The following DNAJC7 variants were observed in gnomAD, a reference collection of about 807,000 sequenced individuals.
DNAJC7 encodes the protein DnaJ heat shock protein family (Hsp40) member C7.
Under a neutral mutation model 67.4 loss-of-function variants are expected in DNAJC7, and 18 were observed. That is an observed-to-expected ratio of 0.27 (90% CI 0.18 to 0.40). The LOEUF (loss-of-function observed/expected upper bound fraction) is 0.40, where lower values mean the gene tolerates loss of function less well. Among genes scored for constraint, DNAJC7 ranks in the 10% least tolerant of loss-of-function variants. The pLI, the probability that DNAJC7 is intolerant of heterozygous loss-of-function variation, is 1.00. For synonymous variants in DNAJC7, 220 were observed against 207.8 expected (o/e 1.06, Z -0.50); for missense variants, 419 against 613.8 (o/e 0.68, Z 3.35).
intron 4 of DNAJC7, among the ~76,000 whole-genome samples, chr17:41,996,088 A>AACACTTCAAT (rs1477259136): frequency 2.0e-5 from 3 of 152,228 alleles, no homozygotes; most frequent in Non-Finnish European, 4.4e-5. Context: ...CTATCTCAGA[A>AACACTTCAAT]ACACTTCAAT....
At chr17:41,988,064 C>G (rs1415387128) in intron 8 of DNAJC7, among the ~76,000 whole-genome samples, 154 bp from the exon 9 acceptor site, 1 of 152,294 alleles carries the variant, frequency 6.6e-6, no homozygotes, top group East Asian at 1.9e-4. Context: ...GGGCTATGGA[C>G]AGCAACTTCA....
At position 41,987,916 on chromosome 17, in the gene DNAJC7, GGAGA is replaced by G; in HGVS notation, c.919-10_919-7del. 6.2e-7 allele frequency: 1 copy of G among 1,606,668 alleles called. No homozygotes were observed. Among genetic ancestry groups the G allele is most frequent in the Non-Finnish European group, 8.5e-7 (1 of 1,176,338 alleles). On this transcript the variant is annotated splice_polypyrimidine_tract_variant and splice_region_variant and intron_variant, in intron 8 of 13. Transcript: ENST00000457167. Reference sequence around the variant, plus strand: ...GCATCATCTAGTTTCCTAAGCTTCAGGAGAGAGAGAGCAATCATACTTCACACCT... The same window carrying G: ...GCATCATCTAGTTTCCTAAGCTTCAGGAGAGAGCAATCATACTTCACACCT...
intron 6 of DNAJC7, 86 bp downstream of exon 6, chr17:41,990,178 G>A: frequency 7.5e-7 from 1 of 1,331,450 alleles, no homozygotes; most frequent in Non-Finnish European, 1.1e-6. Flanking sequence ...GCCTACTCTG[G>A]GGACCATATC....
At chr17:41,994,215 A>G (rs1226218078) in intron 5 of DNAJC7, among the ~76,000 whole-genome samples, 1 of 151,722 alleles carries the variant, frequency 6.6e-6, no homozygotes, top group Non-Finnish European at 1.5e-5. Context: ...GCATGCCTAT[A>G]ATCCCAGCTA....
chr17:42,016,905 A>G (rs1044363090), intron 1 of DNAJC7: 1 of 1,072,696 alleles, frequency 9.3e-7, no homozygotes, highest in Non-Finnish European at 1.1e-6. Flanking sequence ...TTACAAGGGA[A>G]AACGGGGTGA....
intron 1 of DNAJC7, among the ~76,000 whole-genome samples, chr17:42,002,195 T>G (rs782557753): frequency 6.6e-5 from 10 of 152,332 alleles, no homozygotes; most frequent in Admixed American, 2.6e-4. Flanking sequence ...AAACTGGATT[T>G]CGATTAGTCA....
In DNAJC7 at chr17:41,996,306, C is replaced by T. The variant is rs782095173; in HGVS notation, c.405+5G>A. ...CTTTTGACAGAAACAGGATCAGACC[C>T]GTACCTCTTGTTGTGCCTGAGCATT... On this transcript the variant is annotated splice_donor_5th_base_variant and intron_variant, in intron 4 of 13. Coordinates refer to ENST00000457167, the MANE Select transcript of DNAJC7 (RefSeq NM_003315.4). The T allele has an allele frequency of 5.0e-6, 8 of 1,613,200 alleles. No individual in the cohort carries two copies. Among genetic ancestry groups the T allele is most frequent in the Non-Finnish European group, 5.9e-6 (7 of 1,179,670 alleles).
At chr17:41,988,656 A>G in intron 8 of DNAJC7, 76 bp downstream of exon 8, 1 of 1,470,140 alleles carries the variant, frequency 6.8e-7, no homozygotes, top group Non-Finnish European at 9.0e-7. Context: ...TACCCTCACT[A>G]GGCAGATTTC....
At chr17:41,984,130 A>G (rs1038869152) in intron 9 of DNAJC7, among the ~76,000 whole-genome samples, 1 of 152,210 alleles carries the variant, frequency 6.6e-6, no homozygotes, top group East Asian at 1.9e-4. Context: ...TCAACGTGGC[A>G]GCTGCTGGCA....
At chr17:41,985,448 G>A (rs1166590606) in intron 9 of DNAJC7, 2 of 150,426 alleles carry the variant, frequency 1.3e-5, no homozygotes, top group African/African-American at 4.9e-5. Context: ...AAAATTGATA[G>A]CTGATAGCCC....
chr17:42,001,941 T>G (rs978845556), intron 1 of DNAJC7, among the ~76,000 whole-genome samples: 1 of 152,174 alleles, frequency 6.6e-6, no homozygotes, highest in Non-Finnish European at 1.5e-5. Flanking sequence ...TGAAATGTGA[T>G]GGATATAAAT....
chr17:42,011,593 TCTC>T (rs2052119513), intron 1 of DNAJC7: 1 of 152,168 alleles, frequency 6.6e-6, no homozygotes, highest in African/African-American at 2.4e-5. Flanking sequence ...TTAACTTATT[TCTC>T]CTCCCATCTC....
chr17:42,016,435 T>C (rs1379471642), intron 1 of DNAJC7: 1 of 152,224 alleles, frequency 6.6e-6, no homozygotes, highest in Non-Finnish European at 1.5e-5. Flanking sequence ...CCGCAGCTGA[T>C]AAGGAAAGGG....
chr17:42,002,124 T>C (rs558632832), intron 1 of DNAJC7, among the ~76,000 whole-genome samples: 1 of 152,268 alleles, frequency 6.6e-6, no homozygotes, highest in Admixed American at 6.5e-5. Flanking sequence ...TTATAAAAAC[T>C]CTCAGGAGCC....
At chr17:41,993,607 G>A (rs116949261) in intron 5 of DNAJC7, among the ~76,000 whole-genome samples, 239 of 152,364 alleles carry the variant, frequency 1.6e-3, no homozygotes, top group Non-Finnish European at 2.2e-3. Context: ...AATCTCTCCT[G>A]ATCAGTGGTT....
At position 41,976,582 on chromosome 17, in the gene DNAJC7, C is replaced by T; in HGVS notation, c.*151G>A. The T allele has an allele frequency of 1.0e-6, 1 of 986,442 alleles. No homozygotes were observed. The highest frequency in any genetic ancestry group is 1.7e-5 in the South Asian group (1 of 59,970). The allele number at this position is 986,442 out of a possible 1,614,324, so 61.1% of individuals were successfully genotyped here. ...TCGGCATTGGTTCCCTTTGCTCCAC[C>T]CCACTCACAGAGACACAGGGCATCC... On this transcript the variant is annotated 3_prime_UTR_variant, in exon 14 of 14. Transcript: ENST00000457167.
intron 1 of DNAJC7, among the ~76,000 whole-genome samples, chr17:42,012,338 C>T (rs2143356604): frequency 6.6e-6 from 1 of 152,334 alleles, no homozygotes; most frequent in East Asian, 1.9e-4. Flanking sequence ...CAAAAATTAG[C>T]TGGGTGTGGT....
intron 1 of DNAJC7, among the ~76,000 whole-genome samples, chr17:42,012,047 C>T (rs2052132528): frequency 1.3e-5 from 2 of 152,200 alleles, no homozygotes. Context: ...ATCAGGAAAA[C>T]ATACAGAGAA....
rs181730138 is a variant in DNAJC7, at chr17:41,980,821, T to C, written c.1384+1034A>G. ...ATCTGTGAGTGTTTATAGGAATGTA[T>C]GACATACATAAATGTCAGCATACAC... On this transcript the variant is annotated intron_variant, in intron 12 of 13. Coordinates refer to ENST00000457167, the MANE Select transcript of DNAJC7 (RefSeq NM_003315.4). Among the ~76,000 whole-genome samples, 18 of 152,354 alleles carry C rather than the reference T, an allele frequency of 1.2e-4. No individual in the cohort carries two copies. In the East Asian group the frequency reaches 3.5e-3, roughly 29 times the overall value.
Sources: gnomAD v4.1 joint callset for allele counts (sites outside exome capture counted in the v4.1 genomes callset) on GRCh38, gnomAD v4.1.1 for gene constraint, MANE v1.5 for transcripts, NCBI Gene and HGNC (gene_info 2026-07-23, HGNC 2026-07-21) for gene names.